The following GRM8 variants were observed in gnomAD, a reference collection of about 807,000 sequenced individuals.
GRM8 encodes glutamate metabotropic receptor 8.
A neutral mutation model predicts 87.2 loss-of-function variants in GRM8; 47 were observed. The observed-to-expected ratio is 0.54, with a 90% CI of 0.43 to 0.69. The LOEUF is 0.69. Among genes scored for constraint, GRM8 ranks in the 30% least tolerant of loss-of-function variants. The probability of loss-of-function intolerance (pLI) is 0.00; values close to 1 mark genes in which losing one functional copy is unlikely to be tolerated. For synonymous variants in GRM8, 396 were observed against 404.5 expected (o/e 0.98, Z 0.25); for missense variants, 1,019 against 1,139.2 (o/e 0.89, Z 1.52).
intron 9 of GRM8, among the ~76,000 whole-genome samples, chr7:126,468,030 C>A (rs1349571914): frequency 2.0e-5 from 3 of 151,934 alleles, no homozygotes; most frequent in African/African-American, 4.8e-5. Context: ...ATAACGATAT[C>A]ATCTCTAATT....
intron 3 of GRM8, among the ~76,000 whole-genome samples, chr7:127,099,125 G>A (rs962015803): frequency 9.2e-5 from 14 of 152,166 alleles, no homozygotes; most frequent in Admixed American, 2.0e-4. Flanking sequence ...ATTGAGTCAT[G>A]AGCCACCAGG....
intron 7 of GRM8, among the ~76,000 whole-genome samples, chr7:126,668,346 A>G (rs967675235): frequency 5.9e-5 from 9 of 152,140 alleles, no homozygotes; most frequent in African/African-American, 2.2e-4. Context: ...CAACGTGGGG[A>G]CTCAAGAAGC....
At chr7:126,472,368 C>A (rs1805375747) in intron 9 of GRM8, among the ~76,000 whole-genome samples, 2 of 152,036 alleles carry the variant, frequency 1.3e-5, no homozygotes, top group East Asian at 1.9e-4. Context: ...CCCATCAATA[C>A]CTAATTTATT....
At chr7:127,143,623 G>T (rs1007059805) in intron 2 of GRM8, among the ~76,000 whole-genome samples, 2 of 152,000 alleles carry the variant, frequency 1.3e-5, no homozygotes, top group African/African-American at 4.8e-5. Flanking sequence ...TAAAAAATTT[G>T]CCCATGATCA....
rs146448104 is a variant in GRM8, at chr7:126,537,124, A to T, written c.1495-3237T>A. Among the ~76,000 whole-genome samples the T allele has an allele frequency of 2.8e-3, 429 of 152,346 alleles. 8 individuals are homozygous for T. Among genetic ancestry groups the T allele is most frequent in the Admixed American group, 0.026 (391 of 15,300 alleles). On this transcript the variant is annotated intron_variant, in intron 8 of 10. Coordinates refer to ENST00000339582, the MANE Select transcript of GRM8 (RefSeq NM_000845.3). Reference sequence around the variant, plus strand: ...AAAAAACGTTTTTCATAAATTAAAAATAAAGTTGTAAGAATATGAAAAATA... The same window carrying T: ...AAAAAACGTTTTTCATAAATTAAAATTAAAGTTGTAAGAATATGAAAAATA...
chr7:126,615,524 A>T (rs1799387914), intron 7 of GRM8, among the ~76,000 whole-genome samples: 1 of 152,224 alleles, frequency 6.6e-6, no homozygotes. Flanking sequence ...ACATATAACA[A>T]TATTAACCTT....
intron 6 of GRM8, among the ~76,000 whole-genome samples, chr7:126,872,126 C>T (rs952322132): frequency 1.3e-5 from 2 of 152,120 alleles, no homozygotes; most frequent in Non-Finnish European, 2.9e-5. Context: ...TGCTCTTGAT[C>T]TTTGCATGTG....
chr7:127,015,778 A>C (rs147631579), intron 3 of GRM8, among the ~76,000 whole-genome samples: 4 of 152,232 alleles, frequency 2.6e-5, no homozygotes, highest in African/African-American at 7.2e-5. Flanking sequence ...CTATTTCATT[A>C]GGGAGACATA....
intron 3 of GRM8, among the ~76,000 whole-genome samples, chr7:126,984,423 T>A (rs983915712): frequency 6.6e-6 from 1 of 151,468 alleles, no homozygotes; most frequent in Non-Finnish European, 1.5e-5. Flanking sequence ...GGGGTTCACC[T>A]AATTAGCTGC....
At chr7:126,989,017 T>C (rs1812379938) in intron 3 of GRM8, among the ~76,000 whole-genome samples, 2 of 152,176 alleles carry the variant, frequency 1.3e-5, no homozygotes, top group Admixed American at 6.5e-5. Flanking sequence ...ATATGATTGT[T>C]TGAATGAAAG....
intron 6 of GRM8, among the ~76,000 whole-genome samples, chr7:126,790,245 T>C (rs1188786991): frequency 4.6e-5 from 7 of 152,184 alleles, no homozygotes; most frequent in African/African-American, 9.7e-5. Flanking sequence ...TGGGCTCAAG[T>C]GGTCCACCCG....
chr7:126,550,800 G>T (rs1408296518), intron 8 of GRM8, among the ~76,000 whole-genome samples: 3 of 151,562 alleles, frequency 2.0e-5, no homozygotes, highest in Non-Finnish European at 4.4e-5. Flanking sequence ...GAAGTAGAGG[G>T]AATAATTAAT....
intron 3 of GRM8, among the ~76,000 whole-genome samples, chr7:126,940,222 T>C (rs1440080396): frequency 6.6e-6 from 1 of 152,260 alleles, no homozygotes; most frequent in East Asian, 1.9e-4. Context: ...GCAGAAGCTA[T>C]TTAGCATGGC....
intron 6 of GRM8, among the ~76,000 whole-genome samples, chr7:126,772,339 C>A (rs1263328306): frequency 6.6e-6 from 1 of 152,080 alleles, no homozygotes; most frequent in Non-Finnish European, 1.5e-5. Flanking sequence ...GGATGGATAT[C>A]CCTGTGTTTC....
At chr7:126,715,836 TACCCTTTCTATC>T (rs1382105255) in intron 7 of GRM8, among the ~76,000 whole-genome samples, 1 of 152,220 alleles carries the variant, frequency 6.6e-6, no homozygotes, top group Non-Finnish European at 1.5e-5. Flanking sequence ...TCTTTTCAAA[TACCCTTTCTATC>T]ACTGCCAATG....
intron 3 of GRM8, among the ~76,000 whole-genome samples, chr7:126,930,406 G>A (rs1191633457): frequency 6.6e-6 from 1 of 152,138 alleles, no homozygotes; most frequent in Non-Finnish European, 1.5e-5. Flanking sequence ...CCAAGGGATC[G>A]GCAGTCCTAC....
At chr7:127,168,299 C>T (rs1395518635) in intron 2 of GRM8, among the ~76,000 whole-genome samples, 1 of 152,164 alleles carries the variant, frequency 6.6e-6, no homozygotes, top group Non-Finnish European at 1.5e-5. Flanking sequence ...ATCAAAACCA[C>T]AATGAGATAC....
chr7:126,762,596 T>C (rs1452949261), intron 7 of GRM8, among the ~76,000 whole-genome samples: 1 of 152,138 alleles, frequency 6.6e-6, no homozygotes, highest in Admixed American at 6.6e-5. Flanking sequence ...ATAATCCCAG[T>C]AGAAATAACT....
intron 7 of GRM8, among the ~76,000 whole-genome samples, chr7:126,753,840 T>C (rs1816711664): frequency 6.6e-6 from 1 of 151,948 alleles, no homozygotes; most frequent in Non-Finnish European, 1.5e-5. Context: ...TAGTGTATTT[T>C]ATTCTACCCC....
Sources: gnomAD v4.1 joint callset for allele counts (sites outside exome capture counted in the v4.1 genomes callset) on GRCh38, gnomAD v4.1.1 for gene constraint, MANE v1.5 for transcripts, NCBI Gene and HGNC (gene_info 2026-07-23, HGNC 2026-07-21) for gene names.